Variants in GRK7 observed in about 807,000 individuals in gnomAD.
GRK7 encodes the protein rhodopsin kinase GRK7.
Under a neutral mutation model 34.1 loss-of-function variants are expected in GRK7, and 24 were observed. That is an observed-to-expected ratio of 0.70 (90% CI 0.51 to 0.99). The LOEUF (loss-of-function observed/expected upper bound fraction) is 0.99, where lower values mean the gene tolerates loss of function less well. Among genes scored for constraint, GRK7 ranks in the 50% least tolerant of loss-of-function variants. The probability of loss-of-function intolerance (pLI) is 0.00; values close to 1 mark genes in which losing one functional copy is unlikely to be tolerated. For synonymous variants in GRK7, 256 were observed against 279.4 expected (o/e 0.92, Z 0.84); for missense variants, 644 against 707.3 (o/e 0.91, Z 1.02).
At chr3:141,805,917 C>A (rs1711031630) in intron 4 of GRK7, among the ~76,000 whole-genome samples, 1 of 152,180 alleles carries the variant, frequency 6.6e-6, no homozygotes, top group Non-Finnish European at 1.5e-5. Flanking sequence ...CCATTTCAGC[C>A]TTTTGAGTAG....
chr3:141,779,409 CAAAAAA>C (rs10626329), intron 3 of GRK7, among the ~76,000 whole-genome samples: 8 of 96,516 alleles, frequency 8.3e-5, no homozygotes, highest in South Asian at 8.0e-4. Flanking sequence ...GAGCAAGACT[CAAAAAA>C]AAAAAAAAAA....
At chr3:141,798,724 A>G (rs1486431068) in intron 4 of GRK7, among the ~76,000 whole-genome samples, 1 of 152,220 alleles carries the variant, frequency 6.6e-6, no homozygotes, top group Non-Finnish European at 1.5e-5. Context: ...CAAATGGCAT[A>G]AAGGGCAGGC....
intron 4 of GRK7, among the ~76,000 whole-genome samples, chr3:141,799,493 T>C (rs1710928806): frequency 1.3e-5 from 2 of 151,932 alleles, no homozygotes; most frequent in African/African-American, 2.4e-5. Context: ...GCGCCTGTAA[T>C]CCCAGCTACT....
chr3:141,780,730 T>C lies in GRK7; in HGVS notation c.969T>C (p.Leu323=), dbSNP rs1398908659. 1.2e-6 allele frequency: 2 copies of C among 1,614,078 alleles called. No individual in the cohort carries two copies. The highest frequency in any genetic ancestry group is 1.3e-5 in the African/African-American group (1 of 74,932). The part of the protein sequence containing the change: ...VYRDMKPENV[L]LDDLGNCRLS... ...GGGACATGAAGCCTGAGAATGTGCT[T>C]CTGGATGACCTCGGCAACTGCAGGT... Residue 323 remains leucine, a synonymous_variant, in exon 4 of 6, where the codon CTT becomes CTC. Coordinates refer to ENST00000682958, the MANE Select transcript of GRK7 (RefSeq NM_139209.3).
At chr3:141,777,491 A>ATTTTTTTTTTTTT (rs530806848) in intron 2 of GRK7, among the ~76,000 whole-genome samples, 1 of 80,594 alleles carries the variant, frequency 1.2e-5, no homozygotes, top group African/African-American at 5.9e-5. Flanking sequence ...AGCCCGGCTA[A>ATTTTTTTTTTTTT]TTTTTTTTTT....
intron 4 of GRK7, among the ~76,000 whole-genome samples, chr3:141,787,624 CAAA>C (rs36081874): frequency 4.3e-5 from 4 of 94,106 alleles, no homozygotes; most frequent in Admixed American, 1.2e-4. Context: ...GACTCTGCCT[CAAA>C]AAAAAAAAAA....
upstream of GRK7, among the ~76,000 whole-genome samples, chr3:141,763,218 G>A (rs73872311): frequency 4.9e-3 from 742 of 152,264 alleles, 2 homozygotes; most frequent in African/African-American, 0.017. Context: ...TCAAATAGCC[G>A]TTGATGACCC....
In GRK7 at chr3:141,780,424, A is replaced by T. The variant is rs2084666051; in HGVS notation, c.663A>T (p.Lys221Asn). 11 of 1,614,230 alleles carry T rather than the reference A, an allele frequency of 6.8e-6. No individual in the cohort carries two copies. Among genetic ancestry groups the T allele is most frequent in the African/African-American group, 1.3e-5 (1 of 75,068 alleles). The change falls in exon 4 of 6, where the codon AAA (lysine) becomes AAT (asparagine). Residue 221 changes from lysine to asparagine, a missense_variant. Coordinates refer to ENST00000682958, the MANE Select transcript of GRK7 (RefSeq NM_139209.3). ...KNTGKMYACK[K>N]LDKKRLKKKG... is the part of the protein sequence containing the mutation. ...CTGGGAAGATGTATGCCTGTAAGAAACTGGACAAGAAGCGGCTGAAGAAGA... is the reference window on the plus strand; with the variant it reads ...CTGGGAAGATGTATGCCTGTAAGAATCTGGACAAGAAGCGGCTGAAGAAGA...
In GRK7 at chr3:141,763,508, A is replaced by T. The variant is rs2084566491; in HGVS notation, c.-2445A>T. Among the ~76,000 whole-genome samples, 1 of 152,150 alleles carries T rather than the reference A, an allele frequency of 6.6e-6. No homozygotes were observed. The highest frequency in any genetic ancestry group is 6.6e-5 in the Admixed American group (1 of 15,266). ...CCAGCTCCACCTTCACAGACGAGGAACCAGGGCCCCAGTGCTGTGCCTAAG... is the reference window on the plus strand; with the variant it reads ...CCAGCTCCACCTTCACAGACGAGGATCCAGGGCCCCAGTGCTGTGCCTAAG... On this transcript the variant is annotated 5_prime_UTR_variant, in exon 1 of 6. Coordinates refer to ENST00000682958, the MANE Select transcript of GRK7 (RefSeq NM_139209.3).
At chr3:141,788,055 C>T (rs1388303713) in intron 4 of GRK7, among the ~76,000 whole-genome samples, 1 of 152,074 alleles carries the variant, frequency 6.6e-6, no homozygotes, top group Non-Finnish European at 1.5e-5. Flanking sequence ...CAAATAATAC[C>T]TACTGCCTAT....
chr3:141,750,346 T>C, the GRK7 span, among the ~76,000 whole-genome samples: 1 of 152,268 alleles, frequency 6.6e-6, no homozygotes, highest in South Asian at 2.1e-4. Flanking sequence ...CCTGGGTGAG[T>C]GTAGCTGCAG....
chr3:141,803,419 C>CA (rs112674890), intron 4 of GRK7, among the ~76,000 whole-genome samples: 24,216 of 147,806 alleles, frequency 0.16, 3,487 homozygotes, highest in African/African-American at 0.39. Context: ...ACAGATGTCT[C>CA]AAAAAAAAAA....
At chr3:141,768,121 C>T (rs766311727) in intron 1 of GRK7, among the ~76,000 whole-genome samples, 141 of 152,250 alleles carry the variant, frequency 9.3e-4, no homozygotes, top group Non-Finnish European at 1.7e-3. Flanking sequence ...CACTGTGTCA[C>T]GGTTATCATG....
chr3:141,766,002 G>A (rs2084578916), intron 1 of GRK7, among the ~76,000 whole-genome samples: 1 of 152,054 alleles, frequency 6.6e-6, no homozygotes, highest in African/African-American at 2.4e-5. Context: ...CAAGGGTCAG[G>A]CCCACACTGT....
chr3:141,762,857 A>G (rs1196196543), upstream of GRK7, among the ~76,000 whole-genome samples: 1 of 152,166 alleles, frequency 6.6e-6, no homozygotes, highest in African/African-American at 2.4e-5. Flanking sequence ...CGGTCTGAAA[A>G]GCGCAATATT....
intron 1 of GRK7, among the ~76,000 whole-genome samples, chr3:141,770,400 G>A (rs986049146): frequency 6.6e-6 from 1 of 152,118 alleles, no homozygotes; most frequent in Non-Finnish European, 1.5e-5. Context: ...CAGAAAAAAA[G>A]TAAGTGCTAG....
chr3:141,756,111 A>G, the GRK7 span, among the ~76,000 whole-genome samples: 1 of 152,138 alleles, frequency 6.6e-6, no homozygotes, highest in Admixed American at 6.5e-5. Flanking sequence ...CAGGGGTTCA[A>G]GACCAGCCCA....
At chr3:141,772,854 C>T (rs1201476661) in intron 1 of GRK7, among the ~76,000 whole-genome samples, 2 of 152,068 alleles carry the variant, frequency 1.3e-5, no homozygotes, top group East Asian at 1.9e-4. Flanking sequence ...AAGTTGAGGC[C>T]GGGCGCAGTG....
At chr3:141,805,962 T>C (rs1711032030) in intron 4 of GRK7, among the ~76,000 whole-genome samples, 1 of 152,132 alleles carries the variant, frequency 6.6e-6, no homozygotes, top group South Asian at 2.1e-4. Context: ...GCATCCAACT[T>C]TTCCAACCTT....
Sources: allele counts gnomAD v4.1 joint callset (sites outside exome capture counted in the v4.1 genomes callset), GRCh38; gene constraint gnomAD v4.1.1; transcripts MANE v1.5; gene names NCBI Gene and HGNC (gene_info 2026-07-23, HGNC 2026-07-21).